Variants in ACACA observed in about 807,000 individuals in gnomAD.
The protein encoded by ACACA is acetyl-CoA carboxylase 1.
In ACACA, 103 loss-of-function variants were observed where a neutral mutation model predicts 296.1. The observed-to-expected ratio is 0.35, with a 90% CI of 0.30 to 0.41. The LOEUF (loss-of-function observed/expected upper bound fraction) is 0.41, where lower values mean the gene tolerates loss of function less well. Among genes scored for constraint, ACACA ranks in the 10% least tolerant of loss-of-function variants. The pLI is 1.00. For synonymous variants in ACACA, 953 were observed against 1,038.6 expected (o/e 0.92, Z 1.58); for missense variants, 1,554 against 2,989.7 (o/e 0.52, Z 11.20).
chr17:37,187,985 A>G (rs2077602767), intron 39 of ACACA, among the ~76,000 whole-genome samples: 1 of 152,242 alleles, frequency 6.6e-6, no homozygotes, highest in Non-Finnish European at 1.5e-5. Context: ...CCTCTAAAAA[A>G]AGAGCCTAAA....
intron 52 of ACACA, among the ~76,000 whole-genome samples, chr17:37,104,769 CTG>C: frequency 6.6e-6 from 1 of 152,184 alleles, no homozygotes. Context: ...CAGGGAAATT[CTG>C]TCTCTACAAA....
At chr17:37,119,704 A>G (rs17573357) in intron 50 of ACACA, among the ~76,000 whole-genome samples, 12,620 of 151,486 alleles carry the variant, frequency 0.083, 769 homozygotes, top group Non-Finnish European at 0.13. Flanking sequence ...CTAGACGAGT[A>G]AGGAAAAATT....
intron 38 of ACACA, 27 bp from the exon 39 acceptor site, chr17:37,188,507 A>C: frequency 6.2e-7 from 1 of 1,609,798 alleles, no homozygotes; most frequent in South Asian, 1.1e-5. Context: ...ACCAAGCACA[A>C]AACTTAAATA....
intron 41 of ACACA, among the ~76,000 whole-genome samples, chr17:37,168,372 T>C (rs1252533008): frequency 2.0e-5 from 3 of 152,160 alleles, no homozygotes; most frequent in Non-Finnish European, 4.4e-5. Context: ...TTTTCTTTTT[T>C]GTGTTTATAT....
intron 1 of ACACA, among the ~76,000 whole-genome samples, chr17:37,370,563 A>G (rs1344496380): frequency 2.0e-5 from 3 of 151,080 alleles, no homozygotes; most frequent in African/African-American, 7.3e-5. Context: ...AGGCTGAGGC[A>G]GAAGAATTGC....
intron 3 of ACACA, among the ~76,000 whole-genome samples, chr17:37,310,190 G>A (rs1474004401): frequency 6.6e-6 from 1 of 152,166 alleles, no homozygotes; most frequent in Non-Finnish European, 1.5e-5. Flanking sequence ...GGACTAAGGT[G>A]ATTGCAAGTG....
At chr17:37,208,052 A>G (rs983241078) in intron 30 of ACACA, among the ~76,000 whole-genome samples, 1 of 152,228 alleles carries the variant, frequency 6.6e-6, no homozygotes. Context: ...AAGAACTGTT[A>G]GGAATTTCCA....
chr17:37,154,307 TA>T (rs1169543321), intron 43 of ACACA, among the ~76,000 whole-genome samples: 1 of 151,930 alleles, frequency 6.6e-6, no homozygotes, highest in African/African-American at 2.4e-5. Context: ...ACCCTGTCTC[TA>T]AAAACAAAAA....
intron 42 of ACACA, 36 bp downstream of exon 42, chr17:37,161,745 T>A (rs1326117912): frequency 1.9e-6 from 3 of 1,603,206 alleles, no homozygotes; most frequent in African/African-American, 1.3e-5. Context: ...CATAACCATA[T>A]AGCACCTTGA....
At chr17:37,239,591 G>C (rs2080289875) in intron 24 of ACACA, among the ~76,000 whole-genome samples, 1 of 152,144 alleles carries the variant, frequency 6.6e-6, no homozygotes, top group African/African-American at 2.4e-5. Context: ...GTTAAATTCT[G>C]TCAAATGCTC....
intron 1 of ACACA, chr17:37,389,113 GGATA>G: frequency 1.6e-6 from 2 of 1,219,010 alleles, no homozygotes; most frequent in Non-Finnish European, 2.2e-6. Context: ...TTTCTAGGAA[GGATA>G]GGTCCAATAG....
rs746020706 is a variant in ACACA at position 37,225,094 on chromosome 17, G to C, written c.3372C>G (p.Ala1124=). The stretch of plus-strand genomic sequence containing the variant: ...GAAGCTCATATGATGGCAAATGGGA[G>C]GCAATAAGAACCTAGAGTGAGAACA... ...VALRARQVLI[A]SHLPSYELRH... The change falls in exon 27 of 56, where the codon GCC becomes GCG. Residue 1124 remains alanine (A), a synonymous_variant. Coordinates refer to ENST00000616317, the MANE Select transcript of ACACA (RefSeq NM_198834.3). 1 of 1,606,836 alleles carries C rather than the reference G, an allele frequency of 6.2e-7. No homozygotes were observed. The highest frequency in any genetic ancestry group is 1.7e-4 in the Middle Eastern group (1 of 6,050).
At chr17:37,381,247 G>A (rs1205149072) in intron 1 of ACACA, among the ~76,000 whole-genome samples, 1 of 151,966 alleles carries the variant, frequency 6.6e-6, no homozygotes, top group South Asian at 2.1e-4. Context: ...GCGCAGTGGC[G>A]CGATCTCGTC....
intron 41 of ACACA, among the ~76,000 whole-genome samples, chr17:37,174,018 A>ATTT (rs2077008643): frequency 1.3e-4 from 2 of 15,438 alleles, no homozygotes; most frequent in African/African-American, 5.5e-4. Context: ...ATATATATAT[A>ATTT]TATTTTTTTT....
At chr17:37,196,622 TA>T (rs537996961) in intron 35 of ACACA, among the ~76,000 whole-genome samples, 2,270 of 141,700 alleles carry the variant, frequency 0.016, 45 homozygotes, top group African/African-American at 0.047. Flanking sequence ...ATGGAAAGCT[TA>T]AAAAAAAAAA....
intron 48 of ACACA, among the ~76,000 whole-genome samples, chr17:37,123,469 C>T (rs1015632295): frequency 2.0e-5 from 3 of 152,164 alleles, no homozygotes; most frequent in African/African-American, 7.2e-5. Flanking sequence ...CAGGGTGAGT[C>T]TTTACTCTGG....
intron 26 of ACACA, 70 bp from the exon 27 acceptor site, chr17:37,225,175 C>G (rs1294908959): frequency 2.2e-6 from 2 of 914,450 alleles, no homozygotes; most frequent in Non-Finnish European, 3.7e-6. Flanking sequence ...TTAGGCAGCT[C>G]TGATACAAAA....
At chr17:37,136,731 A>T (rs1425753475) in intron 45 of ACACA, among the ~76,000 whole-genome samples, 5 of 152,130 alleles carry the variant, frequency 3.3e-5, no homozygotes, top group African/African-American at 9.7e-5. Flanking sequence ...TCATGAGGTA[A>T]GGAGATTGAG....
At chr17:37,299,687 A>C in intron 3 of ACACA, 1 of 1,030,924 alleles carries the variant, frequency 9.7e-7, no homozygotes, top group Non-Finnish European at 1.2e-6. Context: ...GCTCTCCTTT[A>C]GTTGCAGCAA....
Sources: allele counts gnomAD v4.1 joint callset (sites outside exome capture counted in the v4.1 genomes callset), GRCh38; gene constraint gnomAD v4.1.1; transcripts MANE v1.5; gene names NCBI Gene and HGNC (gene_info 2026-07-23, HGNC 2026-07-21).